ARMC2: variants seen among roughly 807,000 people sequenced by gnomAD.
ARMC2 encodes the protein armadillo repeat containing 2.
In ARMC2, 67 loss-of-function variants were observed where a neutral mutation model predicts 90.3. The ratio of observed to expected loss-of-function variants is 0.74; its 90% CI spans 0.61 to 0.91. The LOEUF (loss-of-function observed/expected upper bound fraction) is 0.91, where lower values mean the gene tolerates loss of function less well. Ranked by LOEUF, ARMC2 falls within the 40% of genes least tolerant of loss-of-function variation. ARMC2 has a pLI of 0.00. For missense variants in ARMC2, 920 were observed against 1,030.9 expected (o/e 0.89, Z 1.47); for synonymous variants, 393 against 393.0 (o/e 1.00, Z 0.00).
chr6:109,051,518 C>T, the ARMC2 span, among the ~76,000 whole-genome samples: 36 of 151,972 alleles, frequency 2.4e-4, no homozygotes, highest in Non-Finnish European at 3.7e-4. Context: ...TTTTTGCTTA[C>T]CATTAGAGGT....
At chr6:108,857,910 C>CT (rs1291724439) in intron 2 of ARMC2, among the ~76,000 whole-genome samples, 1 of 152,194 alleles carries the variant, frequency 6.6e-6, no homozygotes, top group East Asian at 1.9e-4. Flanking sequence ...GAAATGGTTA[C>CT]TAGCAGTTGT....
intron 5 of ARMC2, among the ~76,000 whole-genome samples, chr6:108,883,572 A>T (rs1489760961): frequency 6.6e-6 from 1 of 152,240 alleles, no homozygotes; most frequent in Non-Finnish European, 1.5e-5. Context: ...GTCAGTAGCT[A>T]AAGTCTGAAA....
At chr6:108,992,397 G>A in the ARMC2 span, among the ~76,000 whole-genome samples, 1,773 of 152,120 alleles carry the variant, frequency 0.012, 29 homozygotes, top group African/African-American at 0.041. Flanking sequence ...GATCACAGGC[G>A]GGAGCCATTG....
intron 1 of ARMC2, 64 bp from the exon 2 acceptor site, chr6:108,854,161 A>T: frequency 2.5e-6 from 2 of 815,922 alleles, no homozygotes; most frequent in Non-Finnish European, 3.8e-6. Flanking sequence ...GGATGGGCTT[A>T]AGCATTCGTT....
At chr6:108,856,381 A>G (rs1459508999) in intron 2 of ARMC2, 1 of 169,926 alleles carries the variant, frequency 5.9e-6, no homozygotes, top group Non-Finnish European at 1.3e-5. Context: ...CTCTTTGATA[A>G]CATCCTTGGC....
chr6:108,931,750 G>C (rs948498051), intron 11 of ARMC2, among the ~76,000 whole-genome samples: 1 of 149,878 alleles, frequency 6.7e-6, no homozygotes, highest in Non-Finnish European at 1.5e-5. Flanking sequence ...AAAAGTGTTT[G>C]TTCATGTTCT....
chr6:109,019,459 T>C, the ARMC2 span, among the ~76,000 whole-genome samples: 1 of 152,238 alleles, frequency 6.6e-6, no homozygotes, highest in South Asian at 2.1e-4. Flanking sequence ...CAGTTCATGT[T>C]TCTCTACTGA....
At chr6:108,964,484 C>T (rs1372192074) in intron 16 of ARMC2, among the ~76,000 whole-genome samples, 172 bp downstream of exon 16, 1 of 152,002 alleles carries the variant, frequency 6.6e-6, no homozygotes, top group East Asian at 1.9e-4. Flanking sequence ...TAAAATAGTG[C>T]AGAAGTAGGC....
the ARMC2 span, among the ~76,000 whole-genome samples, chr6:108,990,466 G>A: frequency 6.6e-6 from 1 of 152,240 alleles, no homozygotes; most frequent in African/African-American, 2.4e-5. Flanking sequence ...CTAGGAAAGA[G>A]AAGAAAAAAC....
the ARMC2 span, chr6:109,001,513 T>C: frequency 6.3e-7 from 1 of 1,590,526 alleles, no homozygotes; most frequent in Non-Finnish European, 8.6e-7. Flanking sequence ...AAAACCATGG[T>C]TACTGAAATG....
At chr6:108,947,883 A>G (rs547343544) in intron 12 of ARMC2, among the ~76,000 whole-genome samples, 1 of 152,216 alleles carries the variant, frequency 6.6e-6, no homozygotes, top group Non-Finnish European at 1.5e-5. Context: ...TTTCAAAATC[A>G]CATAGTTATG....
chr6:108,873,784 G>A (rs904203733), intron 4 of ARMC2, among the ~76,000 whole-genome samples: 8 of 152,014 alleles, frequency 5.3e-5, no homozygotes, highest in African/African-American at 1.9e-4. Flanking sequence ...CCTCCTCTGT[G>A]AAGCTTTCTC....
the ARMC2 span, among the ~76,000 whole-genome samples, chr6:109,022,163 C>T: frequency 6.6e-6 from 1 of 151,870 alleles, no homozygotes; most frequent in Admixed American, 6.6e-5. Flanking sequence ...AGTCCTTTTA[C>T]TCCTAACGGG....
chr6:109,036,952 C>T, the ARMC2 span, among the ~76,000 whole-genome samples: 1 of 152,168 alleles, frequency 6.6e-6, no homozygotes, highest in Non-Finnish European at 1.5e-5. Context: ...TGTTTAAAAA[C>T]TTTCTTTGGC....
At chr6:108,943,297 G>A (rs1776584864) in intron 12 of ARMC2, among the ~76,000 whole-genome samples, 1 of 152,036 alleles carries the variant, frequency 6.6e-6, no homozygotes, top group Admixed American at 6.6e-5. Flanking sequence ...CAAGTCCATC[G>A]ACAGGAGGGG....
chr6:108,937,431 C>T (rs1176264988), intron 12 of ARMC2, among the ~76,000 whole-genome samples: 1 of 152,082 alleles, frequency 6.6e-6, no homozygotes, highest in Non-Finnish European at 1.5e-5. Context: ...TAACAAGAAC[C>T]ACAGGGACTT....
At chr6:108,993,008 A>G in the ARMC2 span, 1 of 656,714 alleles carries the variant, frequency 1.5e-6, no homozygotes, top group African/African-American at 1.8e-5. Flanking sequence ...CTGAGTGACC[A>G]ATATCAACCA....
intron 12 of ARMC2, among the ~76,000 whole-genome samples, chr6:108,943,616 C>T (rs1008893980): frequency 6.6e-6 from 1 of 151,784 alleles, no homozygotes; most frequent in East Asian, 1.9e-4. Context: ...GCCAGGAGTT[C>T]GAGACCAGCC....
the ARMC2 span, chr6:109,009,051 A>C: frequency 1.1e-6 from 1 of 944,324 alleles, no homozygotes; most frequent in Non-Finnish European, 1.3e-6. Flanking sequence ...CGACAATGTT[A>C]TTTACGTATT....
Sources: allele counts gnomAD v4.1 joint callset (sites outside exome capture counted in the v4.1 genomes callset), GRCh38; gene constraint gnomAD v4.1.1; transcripts MANE v1.5; gene names NCBI Gene and HGNC (gene_info 2026-07-23, HGNC 2026-07-21).